WWOX: variants seen among roughly 807,000 people sequenced by gnomAD.
WWOX encodes the protein WW domain containing oxidoreductase.
In WWOX, 69 loss-of-function variants were observed where a neutral mutation model predicts 46.2. That is an observed-to-expected ratio of 1.49 (90% CI 1.23 to 1.82). The LOEUF is 1.82. WWOX is among the 40% of genes most tolerant of loss of function. The pLI is 0.00. For synonymous variants in WWOX, 359 were observed against 202.6 expected (o/e 1.77, Z -6.56); for missense variants, 919 against 542.6 (o/e 1.69, Z -6.89).
At chr16:78,623,888 G>C (rs1597363450) in intron 8 of WWOX, among the ~76,000 whole-genome samples, 1 of 152,138 alleles carries the variant, frequency 6.6e-6, no homozygotes, top group Non-Finnish European at 1.5e-5. Flanking sequence ...ATATTGTATA[G>C]AATAAAATAT....
At chr16:78,934,050 C>G (rs1330168663) in intron 8 of WWOX, among the ~76,000 whole-genome samples, 2 of 151,888 alleles carry the variant, frequency 1.3e-5, no homozygotes, top group African/African-American at 4.8e-5. Flanking sequence ...AGAAACTTAG[C>G]CGGGGCCGGG....
At chr16:78,923,205 T>C (rs1414242293) in intron 8 of WWOX, among the ~76,000 whole-genome samples, 1 of 152,078 alleles carries the variant, frequency 6.6e-6, no homozygotes, top group African/African-American at 2.4e-5. Flanking sequence ...GGTCTCAAAC[T>C]CCCAACCTCA....
intron 8 of WWOX, among the ~76,000 whole-genome samples, chr16:79,209,582 C>T (rs1353897648): frequency 6.6e-6 from 1 of 152,178 alleles, no homozygotes; most frequent in African/African-American, 2.4e-5. Flanking sequence ...TGGCAAGTCA[C>T]TTGGCCACTC....
intron 8 of WWOX, among the ~76,000 whole-genome samples, chr16:78,622,092 C>G (rs1339149049): frequency 6.6e-6 from 1 of 152,176 alleles, no homozygotes; most frequent in Non-Finnish European, 1.5e-5. Context: ...TATTTTATTA[C>G]ATCATACCTG....
At chr16:78,633,556 G>A (rs975447065) in intron 8 of WWOX, among the ~76,000 whole-genome samples, 1 of 152,206 alleles carries the variant, frequency 6.6e-6, no homozygotes, top group Admixed American at 6.5e-5. Context: ...CTTTCACTGT[G>A]CGGGTTTCTG....
chr16:79,079,802 A>G (rs1050672843), intron 8 of WWOX, among the ~76,000 whole-genome samples: 1 of 152,182 alleles, frequency 6.6e-6, no homozygotes, highest in African/African-American at 2.4e-5. Flanking sequence ...GTATCTTTGG[A>G]ATAAAGGAGA....
chr16:78,968,136 TGTGGCACAGCGCGTGGTCC>T (rs2046399533), intron 8 of WWOX, among the ~76,000 whole-genome samples: 126 of 46,324 alleles, frequency 2.7e-3, no homozygotes, highest in Non-Finnish European at 6.3e-3. Context: ...GCGTGGTCCG[TGTGGCACAGCGCGTGGTCC>T]GCGTGGCACA....
intron 1 of WWOX, among the ~76,000 whole-genome samples, chr16:78,104,078 C>T (rs1319956563): frequency 6.6e-6 from 1 of 152,118 alleles, no homozygotes; most frequent in Non-Finnish European, 1.5e-5. Context: ...GACAAGGTCT[C>T]AGTGTCAGAG....
chr16:78,766,110 T>C (rs949951638), intron 8 of WWOX, among the ~76,000 whole-genome samples: 1 of 152,146 alleles, frequency 6.6e-6, no homozygotes, highest in Admixed American at 6.5e-5. Flanking sequence ...AGAGGTGTGG[T>C]CACACATACC....
intron 8 of WWOX, among the ~76,000 whole-genome samples, chr16:79,052,209 T>G (rs1337939494): frequency 1.5e-5 from 2 of 130,400 alleles, no homozygotes; most frequent in African/African-American, 3.0e-5. Context: ...CCCACCACAG[T>G]CCCCAGAGTG....
At chr16:78,558,526 C>T (rs1380560073) in intron 8 of WWOX, among the ~76,000 whole-genome samples, 1 of 152,188 alleles carries the variant, frequency 6.6e-6, no homozygotes, top group East Asian at 1.9e-4. Flanking sequence ...GGGCATGTGC[C>T]CTGTGGTTTG....
chr16:78,772,462 AT>A (rs771179403), intron 8 of WWOX, among the ~76,000 whole-genome samples: 2 of 152,056 alleles, frequency 1.3e-5, no homozygotes, highest in Non-Finnish European at 2.9e-5. Context: ...ATTTAGGTTG[AT>A]TCCAGTAGAC....
chr16:78,778,643 T>A (rs2050249501), intron 8 of WWOX, among the ~76,000 whole-genome samples: 1 of 152,212 alleles, frequency 6.6e-6, no homozygotes, highest in East Asian at 1.9e-4. Context: ...TGCTGTGTTT[T>A]CTCAGTATGT....
intron 8 of WWOX, among the ~76,000 whole-genome samples, chr16:78,894,628 A>C (rs1400320084): frequency 6.6e-6 from 1 of 152,174 alleles, no homozygotes; most frequent in Non-Finnish European, 1.5e-5. Flanking sequence ...TCGAGGGAGC[A>C]AGGTGGTACT....
rs550881200 is a variant in WWOX at position 78,369,718 on chromosome 16, TCCAATTAAAC to T, written c.517-17135_517-17126del. ...GAGGATTAATAAACACCATCAGAAA[TCCAATTAAAC>T]CCAATTGTTAAAATCCAACAAATAC... On this transcript the variant is annotated intron_variant, in intron 5 of 8. Coordinates refer to ENST00000566780, the MANE Select transcript of WWOX (RefSeq NM_016373.4). 6.6e-5 allele frequency among the ~76,000 whole-genome samples: 10 copies of T among 152,042 alleles called. 1 individual carries two copies. In the South Asian group the frequency reaches 2.1e-3, roughly 32 times the overall value.
intron 8 of WWOX, among the ~76,000 whole-genome samples, chr16:79,045,498 G>C (rs1355452325): frequency 6.6e-6 from 1 of 152,170 alleles, no homozygotes; most frequent in Non-Finnish European, 1.5e-5. Flanking sequence ...AGACTATGTT[G>C]TTAGTTTCCC....
At chr16:78,335,418 G>A (rs559449557) in intron 5 of WWOX, among the ~76,000 whole-genome samples, 2 of 152,250 alleles carry the variant, frequency 1.3e-5, no homozygotes, top group African/African-American at 4.8e-5. Context: ...TAGGATAACG[G>A]CTTCCAGCTC....
chr16:78,261,388 G>C (rs1269064574), intron 5 of WWOX, among the ~76,000 whole-genome samples: 1 of 147,250 alleles, frequency 6.8e-6, no homozygotes, highest in African/African-American at 2.5e-5. Context: ...CTAGGCGACA[G>C]AGCAAGACCC....
In WWOX at chr16:78,645,112, C is replaced by G. The variant is rs575513206; in HGVS notation, c.1056+212360C>G. 4.6e-5 allele frequency among the ~76,000 whole-genome samples: 7 copies of G among 152,266 alleles called. No individual in the cohort carries two copies. In the East Asian group the frequency reaches 1.4e-3, roughly 30 times the overall value. On this transcript the variant is annotated intron_variant, in intron 8 of 8. Coordinates refer to ENST00000566780, the MANE Select transcript of WWOX (RefSeq NM_016373.4). Reference sequence around the variant, plus strand: ...ACCCCAAGGCTAAGCAATATACAATCTAGTTACAATGGTCTGCTTGCTGTT... The same window carrying G: ...ACCCCAAGGCTAAGCAATATACAATGTAGTTACAATGGTCTGCTTGCTGTT...
Sources: gnomAD v4.1 joint callset for allele counts (sites outside exome capture counted in the v4.1 genomes callset) on GRCh38, gnomAD v4.1.1 for gene constraint, MANE v1.5 for transcripts, NCBI Gene and HGNC (gene_info 2026-07-23, HGNC 2026-07-21) for gene names.